MESD: variants seen among roughly 807,000 people sequenced by gnomAD.
MESD encodes the protein LRP chaperone MESD.
A neutral mutation model predicts 12.9 loss-of-function variants in MESD; 7 were observed. That is an observed-to-expected ratio of 0.54 (90% CI 0.31 to 1.02). The LOEUF (loss-of-function observed/expected upper bound fraction) is 1.02, where lower values mean the gene tolerates loss of function less well. Ranked by LOEUF, MESD falls within the 50% of genes least tolerant of loss-of-function variation. MESD has a pLI of 0.05. For synonymous variants in MESD, 126 were observed against 115.6 expected, an observed-to-expected ratio of 1.09 and a Z score of -0.58; for missense variants, 342 against 296.7, an observed-to-expected ratio of 1.15 and a Z score of -1.12.
At chr15:80,987,339 G>T (rs1432870718) in intron 1 of MESD, among the ~76,000 whole-genome samples, 1 of 152,108 alleles carries the variant, frequency 6.6e-6, no homozygotes, top group East Asian at 1.9e-4. Context: ...CACTGCTACT[G>T]GGGAAGAGTC....
downstream of MESD, among the ~76,000 whole-genome samples, chr15:80,972,417 G>C (rs928277805): frequency 3.3e-5 from 5 of 152,196 alleles, no homozygotes; most frequent in Non-Finnish European, 7.3e-5. Context: ...CTGGTTGATG[G>C]TGACCTGGGT....
intron 2 of MESD, 101 bp from the exon 3 acceptor site, chr15:80,979,578 A>G: frequency 7.4e-7 from 1 of 1,356,730 alleles, no homozygotes; most frequent in Non-Finnish European, 1.0e-6. Context: ...CAAATTCTAC[A>G]TGAATATGGA....
intron 3 of MESD, among the ~76,000 whole-genome samples, chr15:80,961,884 A>C (rs897991564): frequency 6.6e-6 from 1 of 152,236 alleles, no homozygotes; most frequent in Non-Finnish European, 1.5e-5. Flanking sequence ...CACTGCAAAA[A>C]CATGCCAAAT....
At chr15:80,947,141 T>G, downstream of MESD, 1 of 927,378 alleles carries the variant, frequency 1.1e-6, no homozygotes, top group Non-Finnish European at 1.8e-6. Flanking sequence ...GGTGCTGTCA[T>G]CTTTTGCTGA....
intron 3 of MESD, among the ~76,000 whole-genome samples, chr15:80,953,980 T>C (rs1364197583): frequency 1.3e-5 from 2 of 152,134 alleles, no homozygotes; most frequent in Non-Finnish European, 2.9e-5. Context: ...TGGTCACCCA[T>C]TCCTTCCTCA....
chr15:80,969,054 G>C (rs541900823), intron 3 of MESD, among the ~76,000 whole-genome samples: 2 of 152,270 alleles, frequency 1.3e-5, no homozygotes, highest in Admixed American at 6.5e-5. Flanking sequence ...AGCTGGGTGT[G>C]ATGGTGCACA....
In MESD at chr15:80,979,116, T is replaced by G; in HGVS notation, c.*103A>C. On this transcript the variant is annotated 3_prime_UTR_variant, in exon 3 of 3. Transcript: ENST00000261758. ...AGACCCTTTCTAGAAGACACTAGAATGTCATCCGGTGTGCAGTTGCCTGAG... is the reference window on the plus strand; with the variant it reads ...AGACCCTTTCTAGAAGACACTAGAAGGTCATCCGGTGTGCAGTTGCCTGAG... 2 of 1,451,260 alleles carry G rather than the reference T, an allele frequency of 1.4e-6. No homozygotes were observed. Among genetic ancestry groups the G allele is most frequent in the Non-Finnish European group, 1.9e-6 (2 of 1,076,312 alleles). The allele number at this position is 1,451,260 out of a possible 1,614,324, so 89.9% of individuals were successfully genotyped here. A position where few individuals can be genotyped will look rare whatever the true frequency, so the allele number is the denominator to read the frequency against.
chr15:80,969,410 C>G (rs1902240115), intron 3 of MESD, among the ~76,000 whole-genome samples: 1 of 152,180 alleles, frequency 6.6e-6, no homozygotes, highest in Middle Eastern at 3.4e-3. Context: ...CTTCCCGAAA[C>G]TTATTGGTGT....
At chr15:80,954,872 T>C (rs1243417430) in intron 3 of MESD, among the ~76,000 whole-genome samples, 1 of 152,196 alleles carries the variant, frequency 6.6e-6, no homozygotes, top group Non-Finnish European at 1.5e-5. Flanking sequence ...CAGCTATCGT[T>C]AAGTGTTAGT....
chr15:80,987,087 T>C (rs996269643), intron 1 of MESD, among the ~76,000 whole-genome samples: 1 of 152,222 alleles, frequency 6.6e-6, no homozygotes, highest in African/African-American at 2.4e-5. Context: ...TATCATAATG[T>C]AAAATGTAAT....
downstream of MESD, chr15:80,946,793 A>C: frequency 1.5e-6 from 1 of 656,258 alleles, no homozygotes; most frequent in South Asian, 1.6e-5. Context: ...CACCACATGG[A>C]AAGAGCCCGT....
chr15:80,948,484 G>C (rs1478726888), exon 5 of MESD: 7 of 414,478 alleles, frequency 1.7e-5, no homozygotes, highest in Non-Finnish European at 3.2e-5. Context: ...TCAAAGGTAG[G>C]CAGGTTCCTA....
At chr15:80,960,171 C>A (rs987502996) in intron 3 of MESD, among the ~76,000 whole-genome samples, 1 of 152,054 alleles carries the variant, frequency 6.6e-6, no homozygotes, top group Non-Finnish European at 1.5e-5. Flanking sequence ...CAAGGCCAGC[C>A]AGGGCAACAT....
downstream of MESD, among the ~76,000 whole-genome samples, chr15:80,975,115 G>A (rs1382228233): frequency 6.6e-6 from 1 of 151,028 alleles, no homozygotes; most frequent in Non-Finnish European, 1.5e-5. Context: ...TGGGCGTGGT[G>A]ACTCACAACT....
intron 3 of MESD, among the ~76,000 whole-genome samples, chr15:80,967,435 C>T (rs1902196831): frequency 6.6e-6 from 1 of 152,160 alleles, no homozygotes; most frequent in African/African-American, 2.4e-5. Context: ...ATAAGGATCC[C>T]TATTGTCTTG....
downstream of MESD, among the ~76,000 whole-genome samples, chr15:80,973,924 C>CG: frequency 6.6e-6 from 1 of 152,228 alleles, no homozygotes; most frequent in East Asian, 1.9e-4. Context: ...CTCCGGAGAT[C>CG]GGAAGAGAAA....
In MESD at chr15:80,976,380, G is replaced by C. The variant is rs914550443; in HGVS notation, c.*2839C>G. The C allele has an allele frequency of 2.6e-5, 4 of 152,406 alleles. No individual in the cohort carries two copies. Among genetic ancestry groups the C allele is most frequent in the Non-Finnish European group, 4.4e-5 (3 of 68,064 alleles). 9.4% of individuals were successfully genotyped at this position (152,406 alleles called of 1,614,324 possible). A position where few individuals can be genotyped will look rare whatever the true frequency, so the allele number is the denominator to read the frequency against. On this transcript the variant is annotated 3_prime_UTR_variant, in exon 3 of 3. Transcript: ENST00000261758. ...GCTCCCCTCAGTGTCAACTAGGATT[G>C]CTTGAAGGCTGGGGCTGGAAATGTT... is the stretch of plus-strand genomic sequence containing the variant.
At position 80,979,459 on chromosome 15, in the gene MESD, G is replaced by A. The variant is rs1266811413; in HGVS notation, c.465C>T (p.Asp155=). 2 of 1,614,048 alleles carry A rather than the reference G, an allele frequency of 1.2e-6. No homozygotes were observed. The highest frequency in any genetic ancestry group is 1.3e-5 in the African/African-American group (1 of 74,926). The change falls in exon 3 of 3, where the codon GAC becomes GAT. Residue 155 remains aspartate (D), a synonymous_variant. Coordinates refer to ENST00000261758, the MANE Select transcript of MESD (RefSeq NM_015154.3). The stretch of plus-strand genomic sequence containing the variant: ...CATCGCGAAGCATGAAGATAGCACG[G>A]TCTGATCCCACAATGAACCTTGGGC... ...YDVQRFIVGS[D]RAIFMLRDGS... is the part of the protein sequence containing the mutation.
chr15:80,981,631 G>A (rs1252156376), intron 2 of MESD, among the ~76,000 whole-genome samples: 6 of 151,934 alleles, frequency 3.9e-5, no homozygotes, highest in African/African-American at 1.5e-4. Context: ...TGAGGCGGGT[G>A]CATCACCTGA....
Sources: gnomAD v4.1 joint callset for allele counts (sites outside exome capture counted in the v4.1 genomes callset) on GRCh38, gnomAD v4.1.1 for gene constraint, MANE v1.5 for transcripts, NCBI Gene and HGNC (gene_info 2026-07-23, HGNC 2026-07-21) for gene names.